Variants in ZBTB6 observed in about 807,000 individuals in gnomAD.
The protein encoded by ZBTB6 is zinc finger and BTB domain-containing protein 6.
A neutral mutation model predicts 30.6 loss-of-function variants in ZBTB6; 11 were observed. The ratio of observed to expected loss-of-function variants is 0.36; its 90% CI spans 0.23 to 0.60. The LOEUF (loss-of-function observed/expected upper bound fraction) is 0.60, where lower values mean the gene tolerates loss of function less well. ZBTB6 is among the 20% of genes least tolerant of loss of function. The pLI is 0.75. For synonymous variants in ZBTB6, 174 were observed against 172.0 expected, an observed-to-expected ratio of 1.01 and a Z score of -0.09; for missense variants, 380 against 489.4, an observed-to-expected ratio of 0.78 and a Z score of 2.11.
At position 122,910,616 on chromosome 9, in the gene ZBTB6, G is replaced by T; in HGVS notation, c.*182C>A. ...TATGAGATGAGACAGAATCCCATCA[G>T]CTTTACTGTGCCTCCCATAACTTTG... On this transcript the variant is annotated 3_prime_UTR_variant, in exon 2 of 2. Transcript: ENST00000373659. 1.6e-6 allele frequency: 1 copy of T among 608,154 alleles called. No individual in the cohort carries two copies. The highest frequency in any genetic ancestry group is 2.8e-6 in the Non-Finnish European group (1 of 351,918). 37.7% of individuals were successfully genotyped at this position (608,154 alleles called of 1,614,324 possible).
At position 122,911,997 on chromosome 9, in the gene ZBTB6, A is replaced by G; in HGVS notation, c.76T>C (p.Leu26=). The stretch of plus-strand genomic sequence containing the variant: ...TCACAAAATAAATTCTGCTGTCTCA[A>G]AAGATTCATTTTCTGCAAGACCACA... The part of the protein sequence containing the change: ...GDVVLQKMNL[L]RQQNLFCDVS... The change falls in exon 2 of 2, where the codon TTG becomes CTG. Residue 26 remains leucine (L), a synonymous_variant. Transcript: ENST00000373659. The surrounding 1 kb of genome is among the most constrained non-coding windows in gnomAD (Gnocchi z 4.5). The G allele has an allele frequency of 1.2e-6, 2 of 1,614,194 alleles. No individual in the cohort carries two copies. The highest frequency in any genetic ancestry group is 1.7e-6 in the Non-Finnish European group (2 of 1,180,032).
rs887336287 is a variant in ZBTB6 at position 122,908,204 on chromosome 9, G to A, written c.*2594C>T. 2.0e-5 allele frequency: 3 copies of A among 152,140 alleles called. No individual in the cohort carries two copies. The highest frequency in any genetic ancestry group is 1.3e-4 in the Admixed American group (2 of 15,278). 9.4% of individuals were successfully genotyped at this position (152,140 alleles called of 1,614,324 possible). A position where few individuals can be genotyped will look rare whatever the true frequency, so the allele number is the denominator to read the frequency against. On this transcript the variant is annotated 3_prime_UTR_variant, in exon 2 of 2. Coordinates refer to ENST00000373659, the MANE Select transcript of ZBTB6 (RefSeq NM_006626.6). ...TGTAAATGGAGTAAATGAAGAGGCTGAACTCAAACACTTTTCATTTTTCTG... is the reference window on the plus strand; with the variant it reads ...TGTAAATGGAGTAAATGAAGAGGCTAAACTCAAACACTTTTCATTTTTCTG...
rs1176885719 is a variant in ZBTB6, at chr9:122,910,751, G to A, written c.*47C>T. 2 of 1,490,244 alleles carry A rather than the reference G, an allele frequency of 1.3e-6. No individual in the cohort carries two copies. The highest frequency in any genetic ancestry group is 2.8e-5 in the African/African-American group (2 of 71,286). The allele number at this position is 1,490,244 out of a possible 1,614,324, so 92.3% of individuals were successfully genotyped here. ...ATGCTGCATCTCTACAGAAAGACTT[G>A]CGTAATAGAATAATACAAACTTTAT... On this transcript the variant is annotated 3_prime_UTR_variant, in exon 2 of 2. Transcript: ENST00000373659.
rs762694823 is a variant in ZBTB6 at position 122,911,467 on chromosome 9, T to A, written c.606A>T (p.Ser202=). The A allele has an allele frequency of 3.7e-6, 6 of 1,614,108 alleles. No homozygotes were observed. Among genetic ancestry groups the A allele is most frequent in the Non-Finnish European group, 5.1e-6 (6 of 1,180,052 alleles). ...SLTSERKEMK[S]PELSTVDIGF... ...CTATGTCTACTGTAGACAGCTCTGG[T>A]GACTTCATTTCCTTTCTCTCTGATG... Residue 202 remains serine (S), a synonymous_variant, in exon 2 of 2, where the codon TCA becomes TCT. Coordinates refer to ENST00000373659, the MANE Select transcript of ZBTB6 (RefSeq NM_006626.6). This position sits in a 1 kb window ranked among gnomAD's most constrained non-coding sequence, Gnocchi z 4.5.
At position 122,912,004 on chromosome 9, in the gene ZBTB6, C is replaced by G; in HGVS notation, c.69G>C (p.Met23Ile). 6.2e-7 allele frequency: 1 copy of G among 1,614,122 alleles called. No homozygotes were observed. Among genetic ancestry groups the G allele is most frequent in the South Asian group, 1.1e-5 (1 of 91,054 alleles). Reference sequence around the variant, plus strand: ...ATAAATTCTGCTGTCTCAAAAGATTCATTTTCTGCAAGACCACATCTCCTT... The same window carrying G: ...ATAAATTCTGCTGTCTCAAAAGATTGATTTTCTGCAAGACCACATCTCCTT... Reference protein sequence around the residue: ...EQQGDVVLQKMNLLRQQNLFC... With the variant: ...EQQGDVVLQKINLLRQQNLFC... Residue 23 changes from methionine to isoleucine, a missense_variant, in exon 2 of 2, where the codon ATG (methionine) becomes ATC (isoleucine). By Grantham distance (10) the Met-to-Ile change is conservative (BLOSUM62 1). Transcript: ENST00000373659.
rs1832951926 is a variant in ZBTB6 at position 122,911,311 on chromosome 9, T to C, written c.762A>G (p.Ser254=). ...ASMYFSETQH[S]LINSTVESRV... Reference sequence around the variant, plus strand: ...TGCTCTCAACTGTAGAATTGATCAATGAATGCTGTGTTTCAGAGAAATACA... The same window carrying C: ...TGCTCTCAACTGTAGAATTGATCAACGAATGCTGTGTTTCAGAGAAATACA... The change falls in exon 2 of 2, where the codon TCA becomes TCG. Residue 254 remains serine, a synonymous_variant. Transcript: ENST00000373659. This position sits in a 1 kb window ranked among gnomAD's most constrained non-coding sequence, Gnocchi z 4.5. 1 of 1,614,178 alleles carries C rather than the reference T, an allele frequency of 6.2e-7. No individual in the cohort carries two copies. The highest frequency in any genetic ancestry group is 8.5e-7 in the Non-Finnish European group (1 of 1,180,034).
intron 1 of ZBTB6, among the ~76,000 whole-genome samples, chr9:122,912,558 T>C (rs1007604291): frequency 3.9e-5 from 6 of 152,176 alleles, no homozygotes; most frequent in Admixed American, 1.3e-4. Flanking sequence ...ACAGGTCTTC[T>C]TTATACCACA....
chr9:122,911,700 T>C lies in ZBTB6; in HGVS notation c.373A>G (p.Lys125Glu), dbSNP rs780464383. 2 of 1,614,044 alleles carry C rather than the reference T, an allele frequency of 1.2e-6. No individual in the cohort carries two copies. Among genetic ancestry groups the C allele is most frequent in the South Asian group, 2.2e-5 (2 of 91,086 alleles). ...IVEKCTEALS[K>E]YLEIDLSMKN... is the part of the protein sequence containing the mutation. ...ATAGAAAGATCAATTTCCAGATACTTTGACAAAGCTTCTGTGCACTTTTCC... is the reference window on the plus strand; with the variant it reads ...ATAGAAAGATCAATTTCCAGATACTCTGACAAAGCTTCTGTGCACTTTTCC... The change falls in exon 2 of 2, where the codon AAG becomes GAG. Residue 125 changes from lysine (K) to glutamate (E), a missense_variant. Transcript: ENST00000373659. This position sits in a 1 kb window ranked among gnomAD's most constrained non-coding sequence, Gnocchi z 4.5.
rs1474470160 is a variant in ZBTB6, at chr9:122,908,313, T to C, written c.*2485A>G. 6 of 152,356 alleles carry C rather than the reference T, an allele frequency of 3.9e-5. No homozygotes were observed. Among genetic ancestry groups the C allele is most frequent in the Non-Finnish European group, 8.8e-5 (6 of 68,030 alleles). 9.4% of individuals were successfully genotyped at this position (152,356 alleles called of 1,614,324 possible). A position where few individuals can be genotyped will look rare whatever the true frequency, so the allele number is the denominator to read the frequency against. ...TCATACCTGAACTTTAAAAAAAGATTCCATTTTCCTGAAAATTTTTAGACA... is the reference window on the plus strand; with the variant it reads ...TCATACCTGAACTTTAAAAAAAGATCCCATTTTCCTGAAAATTTTTAGACA... On this transcript the variant is annotated 3_prime_UTR_variant, in exon 2 of 2. Transcript: ENST00000373659.
In ZBTB6 at chr9:122,910,943, C is replaced by T. The variant is rs745331836; in HGVS notation, c.1130G>A (p.Ser377Asn). The T allele has an allele frequency of 6.2e-7, 1 of 1,614,164 alleles. No homozygotes were observed. The highest frequency in any genetic ancestry group is 1.7e-5 in the Admixed American group (1 of 60,014). Residue 377 changes from serine to asparagine, a missense_variant, in exon 2 of 2, where the codon AGT becomes AAT. Coordinates refer to ENST00000373659, the MANE Select transcript of ZBTB6 (RefSeq NM_006626.6). ...GTGGCATTTGTATGGCCGATCCCCA[C>T]TGTGTATGTTCAAGTGGTCCTGAAG... ...STLQDHLNIH[S>N]GDRPYKCHCC...
At chr9:122,912,647 T>C (rs988469884) in intron 1 of ZBTB6, among the ~76,000 whole-genome samples, 2 of 152,132 alleles carry the variant, frequency 1.3e-5, no homozygotes, top group African/African-American at 4.8e-5. Context: ...TAATTTCCCT[T>C]TTCTGCTTTA....
In ZBTB6 at chr9:122,911,551, T is replaced by C; in HGVS notation, c.522A>G (p.Ile174Met). ...IEISEDSPVN[I>M]DFHVKEEESN... ...TTTCCTCTTCTTTAACATGGAAATC[T>C]ATGTTTACAGGACTATCTTCTGAAA... Residue 174 changes from isoleucine to methionine, a missense_variant, in exon 2 of 2, where the codon ATA (isoleucine) becomes ATG (methionine). Transcript: ENST00000373659. This position sits in a 1 kb window ranked among gnomAD's most constrained non-coding sequence, Gnocchi z 4.5. 2 of 1,613,984 alleles carry C rather than the reference T, an allele frequency of 1.2e-6. No homozygotes were observed. The highest frequency in any genetic ancestry group is 1.7e-6 in the Non-Finnish European group (2 of 1,180,004).
At position 122,910,935 on chromosome 9, in the gene ZBTB6, G is replaced by A. The variant is rs1832946700; in HGVS notation, c.1138C>T (p.Arg380Trp). ...TCACAACAGTGGCATTTGTATGGCCGATCCCCACTGTGTATGTTCAAGTGG... is the reference window on the plus strand; with the variant it reads ...TCACAACAGTGGCATTTGTATGGCCAATCCCCACTGTGTATGTTCAAGTGG... Reference protein sequence around the residue: ...QDHLNIHSGDRPYKCHCCDMD... With the variant: ...QDHLNIHSGDWPYKCHCCDMD... Residue 380 changes from arginine (R) to tryptophan (W), a missense_variant, in exon 2 of 2, where the codon CGG becomes TGG. By Grantham distance (101) the Arg-to-Trp change is moderately radical (BLOSUM62 -3). Coordinates refer to ENST00000373659, the MANE Select transcript of ZBTB6 (RefSeq NM_006626.6). 1.9e-6 allele frequency: 3 copies of A among 1,613,978 alleles called. No individual in the cohort carries two copies. The highest frequency in any genetic ancestry group is 1.7e-5 in the Admixed American group (1 of 59,992).
Position 122,910,753 on chromosome 9 carries a change from G to T in ZBTB6, c.*45C>A. The T allele has an allele frequency of 6.7e-7, 1 of 1,497,834 alleles. No individual in the cohort carries two copies. Among genetic ancestry groups the T allele is most frequent in the African/African-American group, 1.4e-5 (1 of 71,604 alleles). 92.8% of individuals were successfully genotyped at this position (1,497,834 alleles called of 1,614,324 possible). A position where few individuals can be genotyped will look rare whatever the true frequency, so the allele number is the denominator to read the frequency against. ...GCTGCATCTCTACAGAAAGACTTGC[G>T]TAATAGAATAATACAAACTTTATAT... On this transcript the variant is annotated 3_prime_UTR_variant, in exon 2 of 2. Coordinates refer to ENST00000373659, the MANE Select transcript of ZBTB6 (RefSeq NM_006626.6).
rs1348507470 is a variant in ZBTB6 at position 122,908,760 on chromosome 9, G to A, written c.*2038C>T. On this transcript the variant is annotated 3_prime_UTR_variant, in exon 2 of 2. Coordinates refer to ENST00000373659, the MANE Select transcript of ZBTB6 (RefSeq NM_006626.6). ...AGGTCAAATGGAAGCAATGAACTAT[G>A]AATGAAAAATTAGCAATGAGCTATC... 6.6e-6 allele frequency: 1 copy of A among 152,098 alleles called. No individual in the cohort carries two copies. The highest frequency in any genetic ancestry group is 1.5e-5 in the Non-Finnish European group (1 of 68,002). The allele number at this position is 152,098 out of a possible 1,614,324, so 9.4% of individuals were successfully genotyped here. A position where few individuals can be genotyped will look rare whatever the true frequency, so the allele number is the denominator to read the frequency against.
In ZBTB6 at chr9:122,909,750, A is replaced by G. The variant is rs923175353; in HGVS notation, c.*1048T>C. The stretch of plus-strand genomic sequence containing the variant: ...TTATGCTGGGTGAAAAAGCATTTCA[A>G]GAGGGAACGTACTATAAGATTCTGT... On this transcript the variant is annotated 3_prime_UTR_variant, in exon 2 of 2. Coordinates refer to ENST00000373659, the MANE Select transcript of ZBTB6 (RefSeq NM_006626.6). 2.0e-5 allele frequency: 3 copies of G among 152,242 alleles called. No homozygotes were observed. Among genetic ancestry groups the G allele is most frequent in the African/African-American group, 7.2e-5 (3 of 41,456 alleles). 9.4% of individuals were successfully genotyped at this position (152,242 alleles called of 1,614,324 possible). A position where few individuals can be genotyped will look rare whatever the true frequency, so the allele number is the denominator to read the frequency against.
In ZBTB6 at chr9:122,910,857, C is replaced by A; in HGVS notation, c.1216G>T (p.Gly406Cys). ...GATAGTTTTTCACCACTGCTTCTGC[C>A]ATGGACAGAGGTTAAGTGCTTTTTG... is the stretch of plus-strand genomic sequence containing the variant. ...ALKKHLTSVH[G>C]RSSGEKLSRP... The change falls in exon 2 of 2, where the codon GGC (glycine) becomes TGC (cysteine). Residue 406 changes from glycine to cysteine, a missense_variant. Coordinates refer to ENST00000373659, the MANE Select transcript of ZBTB6 (RefSeq NM_006626.6). 6.2e-7 allele frequency: 1 copy of A among 1,614,170 alleles called. No individual in the cohort carries two copies. Among genetic ancestry groups the A allele is most frequent in the Non-Finnish European group, 8.5e-7 (1 of 1,180,014 alleles).
Position 122,910,857 on chromosome 9 carries a change from C to T in ZBTB6, c.1216G>A (p.Gly406Ser). 6.2e-7 allele frequency: 1 copy of T among 1,614,170 alleles called. No homozygotes were observed. Among genetic ancestry groups the T allele is most frequent in the Non-Finnish European group, 8.5e-7 (1 of 1,180,014 alleles). ...ALKKHLTSVH[G>S]RSSGEKLSRP... is the part of the protein sequence containing the mutation. ...GATAGTTTTTCACCACTGCTTCTGC[C>T]ATGGACAGAGGTTAAGTGCTTTTTG... is the stretch of plus-strand genomic sequence containing the variant. Residue 406 changes from glycine to serine, a missense_variant, in exon 2 of 2, where the codon GGC (glycine) becomes AGC (serine). Physicochemically the swap from Gly to Ser is moderately conservative, Grantham distance 56. Transcript: ENST00000373659.
Position 122,908,929 on chromosome 9 carries a change from A to C in ZBTB6, c.*1869T>G, listed in dbSNP as rs2131528438. 6.6e-6 allele frequency: 1 copy of C among 152,316 alleles called. No individual in the cohort carries two copies. The highest frequency in any genetic ancestry group is 1.9e-4 in the East Asian group (1 of 5,190). 9.4% of individuals were successfully genotyped at this position (152,316 alleles called of 1,614,324 possible). A position where few individuals can be genotyped will look rare whatever the true frequency, so the allele number is the denominator to read the frequency against. ...CTCAGGAAGAATTAAATACAAAATC[A>C]TGGAATTTTAGACCTGGAAATGATC... On this transcript the variant is annotated 3_prime_UTR_variant, in exon 2 of 2. Coordinates refer to ENST00000373659, the MANE Select transcript of ZBTB6 (RefSeq NM_006626.6).
Sources: allele counts gnomAD v4.1 joint callset (sites outside exome capture counted in the v4.1 genomes callset), GRCh38; gene constraint gnomAD v4.1.1; non-coding constraint Gnocchi (gnomAD v3.1); transcripts MANE v1.5; gene names NCBI Gene and HGNC (gene_info 2026-07-23, HGNC 2026-07-21).